Variants in BBS9 observed in about 807,000 individuals in gnomAD.
BBS9 encodes protein PTHB1.
Under a neutral mutation model 117.7 loss-of-function variants are expected in BBS9, and 89 were observed. The observed-to-expected ratio is 0.76, with a 90% CI of 0.64 to 0.90. BBS9 has a LOEUF of 0.90. Among genes scored for constraint, BBS9 ranks in the 40% least tolerant of loss-of-function variants. BBS9 has a pLI of 0.00. For missense variants in BBS9, 982 were observed against 1,042.2 expected, an observed-to-expected ratio of 0.94 and a Z score of 0.80; for synonymous variants, 379 against 370.9, an observed-to-expected ratio of 1.02 and a Z score of -0.25.
intron 9 of BBS9, among the ~76,000 whole-genome samples, chr7:33,300,519 G>C (rs1316034744): frequency 6.6e-6 from 1 of 151,614 alleles, no homozygotes; most frequent in Admixed American, 6.6e-5. Flanking sequence ...TCTTAATTAT[G>C]GTAGGGGAAA....
intron 20 of BBS9, among the ~76,000 whole-genome samples, chr7:33,526,621 G>A (rs922217373): frequency 1.3e-5 from 2 of 148,386 alleles, no homozygotes; most frequent in African/African-American, 2.5e-5. Flanking sequence ...GCACTTCTCT[G>A]TATTGGTTAT....
intron 20 of BBS9, among the ~76,000 whole-genome samples, chr7:33,514,951 A>G (rs1052207245): frequency 2.6e-5 from 4 of 152,214 alleles, no homozygotes; most frequent in Non-Finnish European, 4.4e-5. Context: ...GACACTCTAT[A>G]TATACATCTT....
chr7:33,299,248 C>G (rs1198038809), intron 9 of BBS9, among the ~76,000 whole-genome samples: 1 of 152,094 alleles, frequency 6.6e-6, no homozygotes, highest in Non-Finnish European at 1.5e-5. Context: ...GATCTGTCTT[C>G]TCTTTCATCT....
chr7:33,276,101 C>A (rs1800715713), intron 9 of BBS9, among the ~76,000 whole-genome samples: 1 of 151,886 alleles, frequency 6.6e-6, no homozygotes, highest in South Asian at 2.1e-4. Context: ...GAAGATTTTT[C>A]TTTTCTTACA....
intron 19 of BBS9, among the ~76,000 whole-genome samples, chr7:33,495,473 G>A (rs555324241): frequency 3.1e-4 from 47 of 152,324 alleles, no homozygotes; most frequent in African/African-American, 1.1e-3. Context: ...CCTTGTAGAT[G>A]TTGTTTTTGG....
chr7:33,510,217 A>C (rs995666427), intron 20 of BBS9, among the ~76,000 whole-genome samples: 2 of 152,068 alleles, frequency 1.3e-5, no homozygotes, highest in African/African-American at 2.4e-5. Context: ...TTTAAAATAA[A>C]TTGTTTTCAT....
At chr7:33,585,066 A>G (rs1860657176) in intron 21 of BBS9, among the ~76,000 whole-genome samples, 1 of 152,116 alleles carries the variant, frequency 6.6e-6, no homozygotes, top group Admixed American at 6.6e-5. Context: ...TTTTAGTTGT[A>G]AATCCTATCT....
rs146770174 is a variant in BBS9 at position 33,273,171 on chromosome 7, A to G, written c.862A>G (p.Ser288Gly). The G allele has an allele frequency of 9.7e-5, 157 of 1,613,578 alleles. No individual in the cohort carries two copies. Among genetic ancestry groups the G allele is most frequent in the Non-Finnish European group, 1.2e-4 (143 of 1,179,774 alleles). The part of the protein sequence containing the change: ...RFMKKLDWSP[S>G]CFLPYCSVSE... The stretch of plus-strand genomic sequence containing the variant: ...CATGAAGAAGCTTGATTGGAGCCCA[A>G]GTTGTTTTCTGCCATATTGCTCAGG... Residue 288 changes from serine to glycine, a missense_variant, in exon 8 of 23, where the codon AGT becomes GGT. By Grantham distance (56) the Ser-to-Gly change is moderately conservative. Transcript: ENST00000242067.
chr7:33,586,814 A>T (rs1297351539), intron 21 of BBS9, among the ~76,000 whole-genome samples: 4 of 152,072 alleles, frequency 2.6e-5, no homozygotes, highest in Admixed American at 6.6e-5. Context: ...ACCAGATACC[A>T]CATGTTCTCA....
intron 2 of BBS9, among the ~76,000 whole-genome samples, chr7:33,147,548 A>G (rs1015596522): frequency 8.5e-5 from 13 of 152,138 alleles, no homozygotes; most frequent in Non-Finnish European, 1.8e-4. Context: ...TTCAGAGGAT[A>G]TTGGAAGGTT....
At chr7:33,608,215 A>G (rs1864683457), downstream of BBS9, among the ~76,000 whole-genome samples, 3 of 151,992 alleles carry the variant, frequency 2.0e-5, no homozygotes, top group Admixed American at 2.0e-4. Flanking sequence ...TTGCTGAAAA[A>G]GACATGATCT....
chr7:33,292,113 A>G (rs1245969581), intron 9 of BBS9, among the ~76,000 whole-genome samples: 1 of 152,240 alleles, frequency 6.6e-6, no homozygotes. Context: ...TAATGAAAGA[A>G]TGATCTGAAA....
chr7:33,198,776 A>G (rs989729242), intron 5 of BBS9, among the ~76,000 whole-genome samples: 2 of 151,984 alleles, frequency 1.3e-5, no homozygotes. Context: ...CTTTTCCACA[A>G]TTTTGGAAGA....
At chr7:33,610,337 A>G (rs1420712627), downstream of BBS9, among the ~76,000 whole-genome samples, 2 of 152,108 alleles carry the variant, frequency 1.3e-5, no homozygotes, top group Non-Finnish European at 2.9e-5. Context: ...TGGGTAATTT[A>G]TAAAGAATAG....
At chr7:33,166,447 T>G (rs759530358) in intron 4 of BBS9, among the ~76,000 whole-genome samples, 1 of 152,272 alleles carries the variant, frequency 6.6e-6, no homozygotes, top group Non-Finnish European at 1.5e-5. Flanking sequence ...TTTGTTCAGC[T>G]ATGCCCTGCC....
chr7:33,590,705 A>G (rs1372468033), intron 21 of BBS9, among the ~76,000 whole-genome samples: 1 of 151,960 alleles, frequency 6.6e-6, no homozygotes, highest in Non-Finnish European at 1.5e-5. Context: ...ACACTTGTGT[A>G]TCATTTACTA....
intron 21 of BBS9, among the ~76,000 whole-genome samples, chr7:33,630,335 G>A (rs1329352832): frequency 1.3e-5 from 2 of 152,102 alleles, no homozygotes; most frequent in Non-Finnish European, 2.9e-5. Context: ...GAAATTTAAA[G>A]TGTACAAGTT....
intron 21 of BBS9, among the ~76,000 whole-genome samples, chr7:33,577,266 G>A (rs1485595694): frequency 6.6e-6 from 1 of 152,154 alleles, no homozygotes; most frequent in Non-Finnish European, 1.5e-5. Flanking sequence ...CTTCTCAAAA[G>A]AAGACGTTTA....
At chr7:33,371,894 A>G (rs942000883) in intron 17 of BBS9, among the ~76,000 whole-genome samples, 17 of 152,222 alleles carry the variant, frequency 1.1e-4, no homozygotes, top group African/African-American at 4.1e-4. Context: ...GCAACTAAAA[A>G]CAGGGCTCAG....
Sources: gnomAD v4.1 joint callset for allele counts (sites outside exome capture counted in the v4.1 genomes callset) on GRCh38, gnomAD v4.1.1 for gene constraint, MANE v1.5 for transcripts, NCBI Gene and HGNC (gene_info 2026-07-23, HGNC 2026-07-21) for gene names.